Variants in C16orf96 observed in about 807,000 individuals in gnomAD.
C16orf96 encodes chromosome 16 open reading frame 96, also known as uncharacterized protein C16orf96.
Under a neutral mutation model 103.6 loss-of-function variants are expected in C16orf96, and 108 were observed. The ratio of observed to expected loss-of-function variants is 1.04; its 90% confidence interval spans 0.89 to 1.22. C16orf96 has a LOEUF of 1.22. Ranked by LOEUF, C16orf96 falls within the 50% of genes most tolerant of loss-of-function variation. The pLI is 0.00. For synonymous variants in C16orf96, 566 were observed against 593.5 expected (o/e 0.95, Z 0.67); for missense variants, 1,586 against 1,464.2 (o/e 1.08, Z -1.36).
intron 6 of C16orf96, among the ~76,000 whole-genome samples, chr16:4,579,380 C>A (rs1003773176): frequency 6.6e-6 from 1 of 151,828 alleles, no homozygotes; most frequent in Non-Finnish European, 1.5e-5. Flanking sequence ...TAGTGAGATC[C>A]CTTCTCTGCA....
chr16:4,553,717 C>T (rs866531364), upstream of C16orf96, among the ~76,000 whole-genome samples: 10 of 152,158 alleles, frequency 6.6e-5, no homozygotes, highest in East Asian at 1.9e-4. Context: ...TCAAGCAACC[C>T]GCCCACTTTG....
intron 7 of C16orf96, 36 bp from the exon 8 acceptor site, chr16:4,587,003 C>T (rs1326670620): frequency 1.3e-6 from 2 of 1,536,202 alleles, no homozygotes; most frequent in Non-Finnish European, 1.8e-6. Flanking sequence ...TCAAGGCTCT[C>T]CAGGATGGCA....
rs1272084170 is a variant in C16orf96 at position 4,573,780 on chromosome 16, G to A, written c.526-929G>A. ...AAAAAAAAAAAAAGAAAAAAGAAAAGAAAAACAATGCCTTATTGGCCTGTC... is the reference window on the plus strand; with the variant it reads ...AAAAAAAAAAAAAGAAAAAAGAAAAAAAAAACAATGCCTTATTGGCCTGTC... On this transcript the variant is annotated intron_variant, in intron 2 of 15. Transcript: ENST00000444310. Among the ~76,000 whole-genome samples the A allele has an allele frequency of 2.0e-5, 3 of 150,020 alleles. No individual in the cohort carries two copies. The South Asian group carries it at 6.4e-4, about 32-fold the overall frequency.
chr16:4,575,682 G>A lies in C16orf96; in HGVS notation c.1202G>A (p.Arg401Lys). 6.5e-7 allele frequency: 1 copy of A among 1,535,952 alleles called. No homozygotes were observed. Among genetic ancestry groups the A allele is most frequent in the East Asian group, 2.5e-5 (1 of 40,794 alleles). ...RRWPLPQGWP[R>K]VGSWPLWDLG... ...TGGCCTCTTCCCCAAGGCTGGCCCA[G>A]GGTGGGCTCTTGGCCTCTGTGGGAC... The change falls in exon 5 of 16, where the codon AGG becomes AAG. Residue 401 changes from arginine (R) to lysine (K), a missense_variant. Transcript: ENST00000444310.
intron 1 of C16orf96, among the ~76,000 whole-genome samples, chr16:4,558,548 G>A (rs2141689630): frequency 6.6e-6 from 1 of 152,160 alleles, no homozygotes; most frequent in East Asian, 1.9e-4. Flanking sequence ...GGAGTTGGAA[G>A]CTGCAGTGAG....
chr16:4,568,534 C>CCTTCCACTGCAG (rs1365920515), intron 1 of C16orf96, among the ~76,000 whole-genome samples: 2 of 152,076 alleles, frequency 1.3e-5, no homozygotes, highest in Non-Finnish European at 2.9e-5. Flanking sequence ...CTCAAGCCAT[C>CCTTCCACTGCAG]CTTCCACTGC....
chr16:4,581,078 C>T (rs1291876725), intron 7 of C16orf96, among the ~76,000 whole-genome samples: 2 of 144,294 alleles, frequency 1.4e-5, no homozygotes, highest in African/African-American at 2.5e-5. Context: ...GAGCCCCGAT[C>T]GTGCCATTGC....
At chr16:4,559,953 A>C (rs2059310211) in intron 1 of C16orf96, 1 of 152,272 alleles carries the variant, frequency 6.6e-6, no homozygotes, top group South Asian at 2.1e-4. Flanking sequence ...TAGGAGAATG[A>C]AGTGTCTTGG....
intron 2 of C16orf96, among the ~76,000 whole-genome samples, chr16:4,573,048 T>C (rs1234539273): frequency 6.6e-6 from 1 of 152,146 alleles, no homozygotes; most frequent in African/African-American, 2.4e-5. Context: ...GCTTTAGGCA[T>C]GGGCTGGATG....
the C16orf96 span, chr16:4,538,640 C>G: frequency 6.6e-6 from 1 of 152,210 alleles, no homozygotes; most frequent in South Asian, 2.1e-4. Flanking sequence ...GCGCCCAGAC[C>G]CTTCCCCCGG....
intron 5 of C16orf96, among the ~76,000 whole-genome samples, chr16:4,578,416 T>C (rs1368604912): frequency 6.6e-6 from 1 of 151,830 alleles, no homozygotes; most frequent in East Asian, 1.9e-4. Flanking sequence ...GTGTTGGGAG[T>C]ACAGGCGTGA....
At position 4,592,380 on chromosome 16, in the gene C16orf96, G is replaced by T. The variant is rs777205852; in HGVS notation, c.2774+13G>T. The T allele has an allele frequency of 6.4e-7, 1 of 1,551,440 alleles. No homozygotes were observed. On this transcript the variant is annotated intron_variant, in intron 11 of 15. Coordinates refer to ENST00000444310, the MANE Select transcript of C16orf96 (RefSeq NM_001145011.2). ...TGATGACTGGCCCGTGAGTACCACC[G>T]CCCAGGGTGCCCCGGCCCTAAGGGC...
intron 9 of C16orf96, 75 bp from the exon 10 acceptor site, chr16:4,591,591 C>T (rs1897060009): frequency 4.0e-6 from 5 of 1,244,238 alleles, no homozygotes; most frequent in Non-Finnish European, 5.8e-6. Context: ...CAGGTTGCTG[C>T]AACCCTCTTC....
the C16orf96 span, chr16:4,538,909 C>T: frequency 1.3e-5 from 2 of 152,306 alleles, no homozygotes; most frequent in Non-Finnish European, 2.9e-5. Flanking sequence ...AGAGCTGGGG[C>T]TGAGCACGTG....
At chr16:4,580,153 G>A (rs956362773) in intron 7 of C16orf96, 28 bp downstream of exon 7, 1 of 1,454,916 alleles carries the variant, frequency 6.9e-7, no homozygotes, top group Non-Finnish European at 9.1e-7. Context: ...GGCTGGAGAA[G>A]GGCTGGCAAA....
chr16:4,550,660 C>T, the C16orf96 span, among the ~76,000 whole-genome samples: 1 of 152,156 alleles, frequency 6.6e-6, no homozygotes, highest in Non-Finnish European at 1.5e-5. Context: ...GCTCCTAAAC[C>T]TACGTGGAGG....
chr16:4,544,135 A>G, the C16orf96 span, among the ~76,000 whole-genome samples: 2 of 152,166 alleles, frequency 1.3e-5, no homozygotes, highest in African/African-American at 4.8e-5. Flanking sequence ...ATGCAGTAAA[A>G]GTCAAATAGA....
At chr16:4,564,551 C>T (rs2059367478) in intron 1 of C16orf96, among the ~76,000 whole-genome samples, 1 of 152,198 alleles carries the variant, frequency 6.6e-6, no homozygotes, top group Non-Finnish European at 1.5e-5. Context: ...TGGTTTACGC[C>T]TATGATCCCA....
intron 7 of C16orf96, among the ~76,000 whole-genome samples, chr16:4,586,495 A>T (rs1309942005): frequency 3.9e-5 from 6 of 152,134 alleles, no homozygotes; most frequent in Admixed American, 3.3e-4. Context: ...GGGGAAATGG[A>T]GGCTCTTCCC....
Sources: gnomAD v4.1 joint callset for allele counts (sites outside exome capture counted in the v4.1 genomes callset) on GRCh38, gnomAD v4.1.1 for gene constraint, MANE v1.5 for transcripts, NCBI Gene and HGNC (gene_info 2026-07-23, HGNC 2026-07-21) for gene names.